Variants in PLCB1 observed in about 807,000 individuals in gnomAD.
PLCB1 encodes 1-phosphatidylinositol 4,5-bisphosphate phosphodiesterase beta-1.
In PLCB1, 46 loss-of-function variants were observed where a neutral mutation model predicts 161.8. That is an observed-to-expected ratio of 0.28 (90% confidence interval 0.22 to 0.36). The LOEUF is 0.36. PLCB1 is among the 10% of genes least tolerant of loss of function. The probability of loss-of-function intolerance (pLI) is 1.00; values close to 1 mark genes in which losing one functional copy is unlikely to be tolerated. For synonymous variants in PLCB1, 517 were observed against 503.7 expected (o/e 1.03, Z -0.35); for missense variants, 1,016 against 1,472.5 (o/e 0.69, Z 5.07).
intron 3 of PLCB1, among the ~76,000 whole-genome samples, chr20:8,432,181 G>A (rs1035453740): frequency 6.6e-6 from 1 of 152,168 alleles, no homozygotes; most frequent in Non-Finnish European, 1.5e-5. Flanking sequence ...TTTATTGGGT[G>A]AAAGAGGGAA....
intron 26 of PLCB1, among the ~76,000 whole-genome samples, chr20:8,772,159 G>A (rs1032140609): frequency 6.6e-6 from 1 of 151,414 alleles, no homozygotes; most frequent in Non-Finnish European, 1.5e-5. Context: ...GGAATTACAG[G>A]CGTGAGCCAC....
rs1988112873 is a variant in PLCB1, at chr20:8,884,706, A to C, written c.*2857A>C. On this transcript the variant is annotated 3_prime_UTR_variant, in exon 32 of 32. Coordinates refer to ENST00000338037, the MANE Select transcript of PLCB1 (RefSeq NM_015192.4). Reference sequence around the variant, plus strand: ...GTGACTCTTGCCTTTTAAGAAGAAAAAAAAGATAGGACAAAGTATTTGAAG... The same window carrying C: ...GTGACTCTTGCCTTTTAAGAAGAAACAAAAGATAGGACAAAGTATTTGAAG... The C allele has an allele frequency of 6.6e-6, 1 of 152,622 alleles. No homozygotes were observed. Among genetic ancestry groups the C allele is most frequent in the South Asian group, 2.1e-4 (1 of 4,832 alleles). The allele number at this position is 152,622 out of a possible 1,614,324, so 9.5% of individuals were successfully genotyped here.
intron 2 of PLCB1, among the ~76,000 whole-genome samples, chr20:8,158,561 T>C (rs1368195715): frequency 6.6e-6 from 1 of 151,890 alleles, no homozygotes; most frequent in Non-Finnish European, 1.5e-5. Flanking sequence ...TTTCCAACAG[T>C]CCCCCAAAGT....
intron 12 of PLCB1, among the ~76,000 whole-genome samples, chr20:8,711,678 T>C (rs1979024464): frequency 6.6e-6 from 1 of 152,184 alleles, no homozygotes; most frequent in Admixed American, 6.5e-5. Flanking sequence ...CAGCCACCAT[T>C]CTTTCCTGGG....
intron 25 of PLCB1, 135 bp downstream of exon 25, chr20:8,760,595 A>T (rs1047278029): frequency 1.7e-6 from 1 of 594,926 alleles, no homozygotes; most frequent in Admixed American, 3.1e-5. Flanking sequence ...AAATCTAGAG[A>T]CATACACTTT....
At chr20:8,136,454 C>CG (rs1491149608) in intron 1 of PLCB1, among the ~76,000 whole-genome samples, 1 of 151,714 alleles carries the variant, frequency 6.6e-6, no homozygotes. Flanking sequence ...GTGAAACCCC[C>CG]TCTCTACTAA....
chr20:8,692,621 C>T (rs1326094152), intron 10 of PLCB1, among the ~76,000 whole-genome samples: 1 of 151,978 alleles, frequency 6.6e-6, no homozygotes, highest in Non-Finnish European at 1.5e-5. Context: ...AGCAAGGCAC[C>T]CAGGAGCAGA....
chr20:8,368,628 T>C (rs1452929007), intron 2 of PLCB1, among the ~76,000 whole-genome samples: 5 of 151,932 alleles, frequency 3.3e-5, no homozygotes, highest in Non-Finnish European at 5.9e-5. Flanking sequence ...TTTTATCCTA[T>C]ATAGATGTAA....
chr20:8,843,910 G>A (rs1986597645), intron 31 of PLCB1, among the ~76,000 whole-genome samples: 1 of 152,170 alleles, frequency 6.6e-6, no homozygotes, highest in Non-Finnish European at 1.5e-5. Flanking sequence ...AATGGAAGGT[G>A]TGCATCCTTT....
chr20:8,180,714 G>A (rs146197996), intron 2 of PLCB1, among the ~76,000 whole-genome samples: 2 of 152,218 alleles, frequency 1.3e-5, no homozygotes, highest in Admixed American at 1.3e-4. Context: ...GAAAATTTGG[G>A]TTAACTCAGA....
chr20:8,519,333 A>G (rs1421418253), intron 3 of PLCB1, among the ~76,000 whole-genome samples: 1 of 151,976 alleles, frequency 6.6e-6, no homozygotes, highest in Non-Finnish European at 1.5e-5. Context: ...GGAGACATTT[A>G]TGGGAGGAAA....
intron 3 of PLCB1, among the ~76,000 whole-genome samples, chr20:8,549,120 A>G (rs1335745457): frequency 3.3e-5 from 5 of 152,210 alleles, no homozygotes; most frequent in Admixed American, 2.6e-4. Context: ...CCTATGTAAC[A>G]AGCCTGCATG....
At chr20:8,668,710 G>C (rs1989874308) in intron 9 of PLCB1, among the ~76,000 whole-genome samples, 1 of 152,174 alleles carries the variant, frequency 6.6e-6, no homozygotes, top group African/African-American at 2.4e-5. Context: ...TTAATTCTTA[G>C]GCCTTTCCAG....
intron 3 of PLCB1, among the ~76,000 whole-genome samples, chr20:8,550,097 G>A (rs566260060): frequency 6.6e-6 from 1 of 152,186 alleles, no homozygotes; most frequent in South Asian, 2.1e-4. Flanking sequence ...TAGGAAGTAA[G>A]TAACTTGCTT....
rs2051424224 is a variant in PLCB1 at position 8,143,509 on chromosome 20, G to A, written c.100-6785G>A. On this transcript the variant is annotated intron_variant, in intron 1 of 31. Transcript: ENST00000338037. ...TGATTTCATGCCTGCCCTTATTGCG[G>A]AGACAGATGCTAAGCAAATAGAGGT... 2.0e-5 allele frequency among the ~76,000 whole-genome samples: 3 copies of A among 152,336 alleles called. No homozygotes were observed. The South Asian group carries it at 6.2e-4, about 32-fold the overall frequency.
intron 3 of PLCB1, among the ~76,000 whole-genome samples, chr20:8,545,276 G>A (rs1985493790): frequency 6.6e-6 from 1 of 152,216 alleles, no homozygotes; most frequent in African/African-American, 2.4e-5. Flanking sequence ...GTTTGGCTGG[G>A]AGACAGCTTA....
At chr20:8,138,329 C>T (rs2051369201) in intron 1 of PLCB1, among the ~76,000 whole-genome samples, 1 of 152,256 alleles carries the variant, frequency 6.6e-6, no homozygotes, top group South Asian at 2.1e-4. Context: ...ATTTGGTAAA[C>T]TGTAAATGTT....
chr20:8,734,114 C>T (rs545130001), intron 19 of PLCB1, among the ~76,000 whole-genome samples: 168 of 104,234 alleles, frequency 1.6e-3, no homozygotes, highest in African/African-American at 6.0e-3. Context: ...GGCGACAGAG[C>T]GAGAGAGCGA....
intron 23 of PLCB1, among the ~76,000 whole-genome samples, chr20:8,744,616 T>TAAATTA (rs1981057558): frequency 4.0e-4 from 49 of 121,196 alleles, no homozygotes; most frequent in African/African-American, 1.6e-3. Flanking sequence ...AAAAATAAAA[T>TAAATTA]AAATAAAATA....
Sources: allele counts gnomAD v4.1 joint callset (sites outside exome capture counted in the v4.1 genomes callset), GRCh38; gene constraint gnomAD v4.1.1; transcripts MANE v1.5; gene names NCBI Gene and HGNC (gene_info 2026-07-23, HGNC 2026-07-21).